Variants in PPFIA2 observed in about 807,000 individuals in gnomAD.
The protein encoded by PPFIA2 is liprin-alpha-2.
Under a neutral mutation model 175.5 loss-of-function variants are expected in PPFIA2, and 46 were observed. The observed-to-expected ratio is 0.26, with a 90% confidence interval of 0.21 to 0.34. The LOEUF (loss-of-function observed/expected upper bound fraction) is 0.34. Ranked by LOEUF, PPFIA2 falls within the 10% of genes least tolerant of loss-of-function variation. The probability of loss-of-function intolerance (pLI) is 1.00; values close to 1 mark genes in which losing one functional copy is unlikely to be tolerated. For missense variants in PPFIA2, 1,179 were observed against 1,506.1 expected (o/e 0.78, Z 3.60); for synonymous variants, 568 against 511.4 (o/e 1.11, Z -1.49).
At chr12:81,420,726 A>C (rs1289357577) in intron 7 of PPFIA2, among the ~76,000 whole-genome samples, 5 of 152,118 alleles carry the variant, frequency 3.3e-5, no homozygotes, top group Admixed American at 3.3e-4. Flanking sequence ...AGAGAAAAAG[A>C]AAGAAAGAAA....
chr12:81,260,911 G>A (rs1160114654), intron 32 of PPFIA2: 1 of 152,096 alleles, frequency 6.6e-6, no homozygotes, highest in Non-Finnish European at 1.5e-5. Context: ...AAAAAATTAT[G>A]AACATTTGAC....
At chr12:81,712,389 A>AT (rs1184064751) in intron 3 of PPFIA2, among the ~76,000 whole-genome samples, 1 of 151,318 alleles carries the variant, frequency 6.6e-6, no homozygotes, top group Non-Finnish European at 1.5e-5. Flanking sequence ...CACAAAGAAT[A>AT]TTTTTTCTGT....
chr12:81,599,737 T>C (rs2059606093), intron 4 of PPFIA2, among the ~76,000 whole-genome samples: 1 of 152,000 alleles, frequency 6.6e-6, no homozygotes, highest in African/African-American at 2.4e-5. Context: ...CAGGATACCA[T>C]ATTTACTTAG....
chr12:81,698,940 T>C (rs906937216), intron 3 of PPFIA2, among the ~76,000 whole-genome samples: 5 of 152,110 alleles, frequency 3.3e-5, no homozygotes, highest in African/African-American at 1.2e-4. Context: ...CAGACTTTAT[T>C]ATAAGCGTTG....
intron 3 of PPFIA2, among the ~76,000 whole-genome samples, chr12:81,717,892 A>G (rs1231442340): frequency 1.3e-5 from 2 of 151,656 alleles, no homozygotes; most frequent in Non-Finnish European, 3.0e-5. Context: ...AAGAATATGG[A>G]CTTAGCTTCA....
rs142350015 is a variant in PPFIA2, at chr12:81,728,371, G to C, written c.249+25602C>G. 3.8e-3 allele frequency among the ~76,000 whole-genome samples: 581 copies of C among 151,360 alleles called. 1 individual carries two copies. Among genetic ancestry groups the C allele is most frequent in the African/African-American group, 0.013 (553 of 41,406 alleles). Reference sequence around the variant, plus strand: ...AAAAATAATTCAATATAAACACAAAGTAAAAATCTTCCTTCCCCAAACATC... The same window carrying C: ...AAAAATAATTCAATATAAACACAAACTAAAAATCTTCCTTCCCCAAACATC... On this transcript the variant is annotated intron_variant, in intron 3 of 32. Coordinates refer to ENST00000549396, the MANE Select transcript of PPFIA2 (RefSeq NM_003625.5).
intron 7 of PPFIA2, among the ~76,000 whole-genome samples, chr12:81,420,919 A>C (rs1243728943): frequency 6.6e-6 from 1 of 152,090 alleles, no homozygotes; most frequent in Non-Finnish European, 1.5e-5. Context: ...AAGCCAAAAG[A>C]AAAAAGCAAC....
intron 21 of PPFIA2, among the ~76,000 whole-genome samples, chr12:81,333,911 C>T (rs1026733731): frequency 1.3e-5 from 2 of 152,150 alleles, no homozygotes; most frequent in African/African-American, 4.8e-5. Context: ...CTCCACTCAT[C>T]AGTGGGCAAG....
At chr12:81,715,961 A>G (rs2078562006) in intron 3 of PPFIA2, among the ~76,000 whole-genome samples, 1 of 151,670 alleles carries the variant, frequency 6.6e-6, no homozygotes, top group South Asian at 2.1e-4. Context: ...TTTAATTAGA[A>G]CTGGAATAAA....
chr12:81,368,118 G>A (rs1209616188), intron 13 of PPFIA2: 1 of 1,287,852 alleles, frequency 7.8e-7, no homozygotes, highest in Non-Finnish European at 1.0e-6. Context: ...TTTATGCTCT[G>A]GAATTGGTAA....
At chr12:81,510,131 T>G (rs1337296145) in intron 4 of PPFIA2, among the ~76,000 whole-genome samples, 1 of 152,066 alleles carries the variant, frequency 6.6e-6, no homozygotes, top group Non-Finnish European at 1.5e-5. Flanking sequence ...CAAACAGCTA[T>G]TATATATATT....
intron 4 of PPFIA2, among the ~76,000 whole-genome samples, chr12:81,489,458 C>T (rs1287831157): frequency 1.3e-5 from 2 of 151,612 alleles, no homozygotes; most frequent in Non-Finnish European, 2.9e-5. Context: ...TTGAAAGCAA[C>T]CAAAATAACA....
intron 3 of PPFIA2, among the ~76,000 whole-genome samples, chr12:81,711,615 C>G (rs1022982130): frequency 6.6e-6 from 1 of 151,154 alleles, no homozygotes; most frequent in Admixed American, 6.8e-5. Flanking sequence ...TCAGAATTGT[C>G]CCATTTCCAC....
At chr12:81,694,833 A>G (rs2062423234) in intron 3 of PPFIA2, among the ~76,000 whole-genome samples, 1 of 152,176 alleles carries the variant, frequency 6.6e-6, no homozygotes, top group Non-Finnish European at 1.5e-5. Flanking sequence ...TTGCAAAGAC[A>G]CAGAAGTGGA....
chr12:81,438,139 T>C (rs542941436), intron 7 of PPFIA2, among the ~76,000 whole-genome samples: 2 of 152,290 alleles, frequency 1.3e-5, no homozygotes, highest in South Asian at 2.1e-4. Context: ...AAGAAAAGCA[T>C]ATATACACTC....
At chr12:81,435,853 G>T (rs142095281) in intron 7 of PPFIA2, among the ~76,000 whole-genome samples, 2 of 152,140 alleles carry the variant, frequency 1.3e-5, no homozygotes, top group African/African-American at 4.8e-5. Context: ...CTGTAACAAG[G>T]AGAAACTCAA....
chr12:81,316,572 G>C (rs977920721), intron 22 of PPFIA2, among the ~76,000 whole-genome samples: 10 of 151,490 alleles, frequency 6.6e-5, no homozygotes, highest in Non-Finnish European at 1.3e-4. Flanking sequence ...GGAACATTAT[G>C]TGTGGCTAAT....
chr12:81,382,266 T>C (rs974161556), intron 9 of PPFIA2, among the ~76,000 whole-genome samples: 1 of 152,176 alleles, frequency 6.6e-6, no homozygotes, highest in South Asian at 2.1e-4. Context: ...AGACAGTAGA[T>C]GATCTCCAAG....
chr12:81,738,251 A>C (rs2081887672), intron 3 of PPFIA2, among the ~76,000 whole-genome samples: 1 of 151,942 alleles, frequency 6.6e-6, no homozygotes, highest in African/African-American at 2.4e-5. Context: ...GTAAAATTCT[A>C]TCTCCAGTAG....
Sources: allele counts gnomAD v4.1 joint callset (sites outside exome capture counted in the v4.1 genomes callset), GRCh38; gene constraint gnomAD v4.1.1; transcripts MANE v1.5; gene names NCBI Gene and HGNC (gene_info 2026-07-23, HGNC 2026-07-21).